The following HOOK1 variants were observed in gnomAD, a reference collection of about 807,000 sequenced individuals.
HOOK1 encodes hook microtubule tethering protein 1, also known as protein Hook homolog 1.
HOOK1 carries 60 observed loss-of-function variants against 112.8 expected under a neutral mutation model. The ratio of observed to expected loss-of-function variants is 0.53; its 90% CI spans 0.43 to 0.66. HOOK1 has a LOEUF of 0.66. HOOK1 is among the 30% of genes least tolerant of loss of function. HOOK1 has a pLI of 0.00. For missense variants in HOOK1, 770 were observed against 856.0 expected, an observed-to-expected ratio of 0.90 and a Z score of 1.25; for synonymous variants, 294 against 283.8, an observed-to-expected ratio of 1.04 and a Z score of -0.36.
intron 19 of HOOK1, among the ~76,000 whole-genome samples, chr1:59,867,155 ATGGT>A (rs1643980261): frequency 6.6e-6 from 1 of 152,226 alleles, no homozygotes; most frequent in Non-Finnish European, 1.5e-5. Flanking sequence ...GGTTTAAATA[ATGGT>A]TAAGATACTG....
In HOOK1 at chr1:59,852,888, T is replaced by C. The variant is rs186621072; in HGVS notation, c.1242+3705T>C. Among the ~76,000 whole-genome samples, 26 of 152,044 alleles carry C rather than the reference T, an allele frequency of 1.7e-4. No individual in the cohort carries two copies. In the East Asian group the frequency reaches 4.8e-3, roughly 28 times the overall value. ...CCCTTATGATTTCTTCTTTGACACA[T>C]TGGTTACTTATGAGTATCTTGCTCA... On this transcript the variant is annotated intron_variant, in intron 12 of 21. Coordinates refer to ENST00000371208, the MANE Select transcript of HOOK1 (RefSeq NM_015888.6).
At chr1:59,862,363 A>C (rs1481996463) in intron 15 of HOOK1, among the ~76,000 whole-genome samples, 1 of 152,178 alleles carries the variant, frequency 6.6e-6, no homozygotes, top group Non-Finnish European at 1.5e-5. Context: ...ATTTAAAAAA[A>C]CTTGTGGAAA....
chr1:59,865,918 A>G lies in HOOK1; in HGVS notation c.1791A>G (p.Glu597=), dbSNP rs1643955301. The change falls in exon 19 of 22, where the codon GAA becomes GAG. Residue 597 remains glutamate (E), a synonymous_variant. Coordinates refer to ENST00000371208, the MANE Select transcript of HOOK1 (RefSeq NM_015888.6). ...ELEAALQKKD[E]DMKAMEERYK... Reference sequence around the variant, plus strand: ...AAGCTGCTCTTCAGAAGAAAGATGAAGATATGAAAGCAATGGAGGAAAGAT... The same window carrying G: ...AAGCTGCTCTTCAGAAGAAAGATGAGGATATGAAAGCAATGGAGGAAAGAT... 2 of 1,597,266 alleles carry G rather than the reference A, an allele frequency of 1.3e-6. No homozygotes were observed. The highest frequency in any genetic ancestry group is 4.5e-5 in the East Asian group (2 of 43,962).
rs199619455 is a variant in HOOK1, at chr1:59,843,531, A to G, written c.721A>G (p.Thr241Ala). ...GGATGGCTCTTTTGATGATCCAAAC[A>G]CAGTGGTTGCAAAAAAGTATTTTCA... ...QLDGSFDDPN[T>A]VVAKKYFHAQ... Residue 241 changes from threonine to alanine, a missense_variant, in exon 9 of 22, where the codon ACA becomes GCA. This residue lies in a region of HOOK1 where 655 missense variants were observed against 725.9 expected (regional missense o/e 0.90). Transcript: ENST00000371208. 1.0e-4 allele frequency: 162 copies of G among 1,610,470 alleles called. 2 individuals carry two copies. The highest frequency in any genetic ancestry group is 8.5e-4 in the South Asian group (77 of 90,668).
intron 2 of HOOK1, 55 bp from the exon 3 acceptor site, chr1:59,828,725 T>C: frequency 6.6e-7 from 1 of 1,511,888 alleles, no homozygotes; most frequent in African/African-American, 1.4e-5. Flanking sequence ...TCTATTTAAT[T>C]TTTTGTGTAA....
intron 17 of HOOK1, 51 bp downstream of exon 17, chr1:59,864,717 A>G (rs1643929212): frequency 8.9e-7 from 1 of 1,124,132 alleles, no homozygotes; most frequent in South Asian, 1.4e-5. Flanking sequence ...GGGGTTGTAA[A>G]AGCCTCTAAA....
chr1:59,825,361 G>C (rs1378261895), intron 2 of HOOK1, among the ~76,000 whole-genome samples: 2 of 152,118 alleles, frequency 1.3e-5, no homozygotes, highest in Non-Finnish European at 2.9e-5. Flanking sequence ...TATTGTCTTT[G>C]ACTAAACTTT....
At chr1:59,833,095 G>A (rs774401846) in intron 4 of HOOK1, among the ~76,000 whole-genome samples, 2 of 151,984 alleles carry the variant, frequency 1.3e-5, no homozygotes, top group African/African-American at 4.8e-5. Context: ...ATTATTTAAT[G>A]GACAGGCATA....
rs182131798 is a variant in HOOK1 at position 59,865,228 on chromosome 1, C to T, written c.1727C>T (p.Pro576Leu). 1,458 of 1,601,026 alleles carry T rather than the reference C, an allele frequency of 9.1e-4. 13 individuals are homozygous for T. Among genetic ancestry groups the T allele is most frequent in the African/African-American group, 9.4e-5 (7 of 74,774 alleles). Residue 576 changes from proline (P) to leucine (L), a missense_variant, in exon 18 of 22, where the codon CCA becomes CTA. Pro to Leu is a moderately conservative substitution (Grantham distance 98). Around this residue, in one of 3 missense-constraint regions of HOOK1, gnomAD observed 655 missense variants for 725.9 expected, o/e 0.90. Transcript: ENST00000371208. ...CAAGAACTCATTGAAGATCTTCAGC[C>T]AGATATAAATCAAAATGGTAGGTAT... ...KKQELIEDLQ[P>L]DINQNVQKIN...
rs1309462042 is a variant in HOOK1 at position 59,875,976 on chromosome 1, G to C, written c.*3011G>C. 6.6e-6 allele frequency: 1 copy of C among 152,570 alleles called. No homozygotes were observed. The highest frequency in any genetic ancestry group is 1.9e-4 in the East Asian group (1 of 5,194). The allele number at this position is 152,570 out of a possible 1,614,324, so 9.5% of individuals were successfully genotyped here. On this transcript the variant is annotated 3_prime_UTR_variant, in exon 22 of 22. Transcript: ENST00000371208. ...CTTTCTAGGGCACTTCTGACCCTGG[G>C]GCTTGGGGATGGCCTTTAGGCCACA...
At chr1:59,846,610 C>G (rs890081746) in intron 9 of HOOK1, among the ~76,000 whole-genome samples, 2 of 125,546 alleles carry the variant, frequency 1.6e-5, no homozygotes, top group African/African-American at 3.1e-5. Flanking sequence ...CCCTCCCTCC[C>G]TCTCTCTCTC....
At chr1:59,854,926 G>C (rs190651656) in intron 12 of HOOK1, among the ~76,000 whole-genome samples, 63 of 152,158 alleles carry the variant, frequency 4.1e-4, no homozygotes, top group Middle Eastern at 3.4e-3. Context: ...AAAGAAACAG[G>C]GTAGCCTATA....
intron 12 of HOOK1, among the ~76,000 whole-genome samples, chr1:59,849,396 C>G (rs908554961): frequency 1.3e-5 from 2 of 151,444 alleles, no homozygotes; most frequent in Non-Finnish European, 3.0e-5. Flanking sequence ...GAGCCAAGGT[C>G]ATAAGTCTCA....
At chr1:59,821,607 C>T (rs1221075853) in intron 1 of HOOK1, among the ~76,000 whole-genome samples, 2 of 152,162 alleles carry the variant, frequency 1.3e-5, no homozygotes, top group African/African-American at 4.8e-5. Flanking sequence ...ATTACTTATG[C>T]ATGGCATCAA....
chr1:59,827,590 A>G (rs1175246558), intron 2 of HOOK1, among the ~76,000 whole-genome samples: 2 of 152,224 alleles, frequency 1.3e-5, no homozygotes, highest in Non-Finnish European at 2.9e-5. Context: ...CAGACTTGGC[A>G]TCTGGGAATA....
chr1:59,856,184 A>G (rs1295648642), intron 12 of HOOK1, among the ~76,000 whole-genome samples: 1 of 148,156 alleles, frequency 6.7e-6, no homozygotes, highest in Non-Finnish European at 1.5e-5. Context: ...TGCCTCAAAC[A>G]ATCCTTTCAC....
intron 12 of HOOK1, among the ~76,000 whole-genome samples, chr1:59,849,906 G>A (rs2098406232): frequency 6.6e-6 from 1 of 151,570 alleles, no homozygotes; most frequent in Admixed American, 6.6e-5. Flanking sequence ...TGGCTGTTAT[G>A]AATAATGCTA....
At chr1:59,837,474 C>G (rs945792334) in intron 7 of HOOK1, among the ~76,000 whole-genome samples, 1 of 152,010 alleles carries the variant, frequency 6.6e-6, no homozygotes, top group Non-Finnish European at 1.5e-5. Flanking sequence ...TTATGAGTGT[C>G]GCCAGTCATC....
chr1:59,824,980 G>A, intron 2 of HOOK1, among the ~76,000 whole-genome samples: 1 of 152,118 alleles, frequency 6.6e-6, no homozygotes, highest in East Asian at 1.9e-4. Flanking sequence ...GCTATTTTCT[G>A]GGCTATGCTC....
Sources: allele counts gnomAD v4.1 joint callset (sites outside exome capture counted in the v4.1 genomes callset), GRCh38; gene constraint gnomAD v4.1.1; regional missense constraint gnomAD v4.1.1; transcripts MANE v1.5; gene names NCBI Gene and HGNC (gene_info 2026-07-23, HGNC 2026-07-21).